Variants in TTLL11 observed in about 807,000 individuals in gnomAD.
The protein encoded by TTLL11 is tubulin polyglutamylase TTLL11.
Under a neutral mutation model 51.7 loss-of-function variants are expected in TTLL11, and 42 were observed. The ratio of observed to expected loss-of-function variants is 0.81; its 90% CI spans 0.64 to 1.05. TTLL11 has a LOEUF of 1.05. Ranked by LOEUF, TTLL11 falls within the 50% of genes least tolerant of loss-of-function variation. The pLI, the probability that TTLL11 is intolerant of heterozygous loss-of-function variation, is 0.00. For synonymous variants in TTLL11, 381 were observed against 383.5 expected, an observed-to-expected ratio of 0.99 and a Z score of 0.08; for missense variants, 799 against 940.4, an observed-to-expected ratio of 0.85 and a Z score of 1.97.
intron 6 of TTLL11, among the ~76,000 whole-genome samples, chr9:121,938,144 C>T (rs1311991581): frequency 6.6e-6 from 1 of 152,004 alleles, no homozygotes; most frequent in Non-Finnish European, 1.5e-5. Flanking sequence ...AAAACATTAG[C>T]CGGGCATGGT....
At chr9:121,937,137 G>A (rs577632121) in intron 6 of TTLL11, among the ~76,000 whole-genome samples, 83 of 152,198 alleles carry the variant, frequency 5.5e-4, no homozygotes, top group Admixed American at 1.5e-3. Flanking sequence ...TTTCCCACAT[G>A]CTCATATGAC....
intron 6 of TTLL11, among the ~76,000 whole-genome samples, chr9:121,917,522 AAAGGAAGG>A (rs536661484): frequency 2.5e-4 from 36 of 141,314 alleles, no homozygotes; most frequent in Non-Finnish European, 4.4e-4. Context: ...AGAGAGAAAG[AAAGGAAGG>A]AAGGAAGGAA....
chr9:121,929,865 C>T (rs1840902139), intron 6 of TTLL11, among the ~76,000 whole-genome samples: 1 of 152,194 alleles, frequency 6.6e-6, no homozygotes, highest in Non-Finnish European at 1.5e-5. Flanking sequence ...TTCCTCTTAG[C>T]AACAAGGTCC....
chr9:121,827,253 G>A (rs541452026), intron 8 of TTLL11, among the ~76,000 whole-genome samples: 1 of 152,244 alleles, frequency 6.6e-6, no homozygotes, highest in South Asian at 2.1e-4. Context: ...TCTCTGTTTA[G>A]GTCAGGTGAA....
chr9:122,008,128 AAT>A (rs1254602401), intron 3 of TTLL11, among the ~76,000 whole-genome samples: 1 of 152,196 alleles, frequency 6.6e-6, no homozygotes, highest in Non-Finnish European at 1.5e-5. Flanking sequence ...CAAAAATACC[AAT>A]GTCATGAAAC....
intron 3 of TTLL11, among the ~76,000 whole-genome samples, chr9:122,004,835 G>C (rs778349155): frequency 1.3e-5 from 2 of 152,236 alleles, no homozygotes; most frequent in Non-Finnish European, 2.9e-5. Flanking sequence ...GCTCACACTT[G>C]AGTAGTCTTT....
intron 1 of TTLL11, among the ~76,000 whole-genome samples, chr9:122,048,261 G>A (rs927389948): frequency 1.3e-5 from 2 of 152,026 alleles, no homozygotes; most frequent in African/African-American, 4.8e-5. Context: ...CAAACTCCTA[G>A]CCTCAAGTGA....
chr9:121,880,438 G>A lies in TTLL11; in HGVS notation c.1482-9690C>T, dbSNP rs148070223. Among the ~76,000 whole-genome samples the A allele has an allele frequency of 5.8e-3, 876 of 152,188 alleles. 8 individuals are homozygous for A. The highest frequency in any genetic ancestry group is 0.02 in the African/African-American group (811 of 41,502). ...CACCTTTCCCAAAATGCTTCCCACG[G>A]CTTTTGGAGATAGAATCAACCATTC... On this transcript the variant is annotated intron_variant, in intron 6 of 8. Coordinates refer to ENST00000321582, the MANE Select transcript of TTLL11 (RefSeq NM_001139442.2).
intron 1 of TTLL11, among the ~76,000 whole-genome samples, chr9:122,074,222 C>T (rs1053010246): frequency 4.0e-5 from 6 of 150,176 alleles, no homozygotes; most frequent in African/African-American, 9.9e-5. Context: ...TGCAGTGAGC[C>T]GAGATCGTGC....
chr9:121,826,606 A>G (rs960322221), intron 8 of TTLL11, among the ~76,000 whole-genome samples: 1 of 137,614 alleles, frequency 7.3e-6, no homozygotes, highest in African/African-American at 2.8e-5. Context: ...TACCAGGGTT[A>G]CTTTTGGCAG....
chr9:122,058,902 A>C (rs1170346229), intron 1 of TTLL11, among the ~76,000 whole-genome samples: 1 of 152,234 alleles, frequency 6.6e-6, no homozygotes, highest in Non-Finnish European at 1.5e-5. Context: ...TGACCAGATA[A>C]TGAGGCAATT....
rs1836611921 is a variant in TTLL11 at position 121,822,569 on chromosome 9, A to G, written c.*18T>C. The stretch of plus-strand genomic sequence containing the variant: ...AAGCTGCTCTCGTCTTCCGTTTTCC[A>G]GGAGGACAGAGTGGCCCTCAGGACA... On this transcript the variant is annotated 3_prime_UTR_variant, in exon 9 of 9. Coordinates refer to ENST00000321582, the MANE Select transcript of TTLL11 (RefSeq NM_001139442.2). This position sits in a 1 kb window ranked among gnomAD's most constrained non-coding sequence, Gnocchi z 5.8. 1.4e-6 allele frequency: 2 copies of G among 1,426,248 alleles called. No homozygotes were observed. Among genetic ancestry groups the G allele is most frequent in the African/African-American group, 2.9e-5 (2 of 68,334 alleles). The allele number at this position is 1,426,248 out of a possible 1,614,324, so 88.3% of individuals were successfully genotyped here.
At chr9:121,940,344 T>TC (rs1491340025) in intron 6 of TTLL11, among the ~76,000 whole-genome samples, 2 of 73,162 alleles carry the variant, frequency 2.7e-5, no homozygotes, top group African/African-American at 1.4e-4. Flanking sequence ...ACTTTCTCTC[T>TC]TTTTTTTTTT....
intron 6 of TTLL11, among the ~76,000 whole-genome samples, chr9:121,924,699 G>C (rs1277452138): frequency 6.7e-6 from 1 of 150,154 alleles, no homozygotes; most frequent in Non-Finnish European, 1.5e-5. Context: ...TCCAGAAAGA[G>C]GAAAGAAAAA....
intron 1 of TTLL11, among the ~76,000 whole-genome samples, chr9:122,078,093 T>C (rs2094869719): frequency 6.6e-6 from 1 of 152,076 alleles, no homozygotes; most frequent in Admixed American, 6.5e-5. Context: ...AAGCAGTAGT[T>C]AGAGGCAAAT....
intron 3 of TTLL11, among the ~76,000 whole-genome samples, chr9:122,001,188 G>A (rs780504925): frequency 1.1e-4 from 17 of 152,074 alleles, no homozygotes; most frequent in Non-Finnish European, 2.4e-4. Context: ...TGCGGCCTCC[G>A]AGGTTCAAGT....
At chr9:121,987,361 G>A (rs1255441512) in intron 4 of TTLL11, among the ~76,000 whole-genome samples, 3 of 152,122 alleles carry the variant, frequency 2.0e-5, no homozygotes, top group African/African-American at 7.2e-5. Context: ...GGGTCCCAGA[G>A]GTACCCCTTC....
At chr9:122,043,413 G>T (rs964179258) in intron 1 of TTLL11, among the ~76,000 whole-genome samples, 2 of 152,146 alleles carry the variant, frequency 1.3e-5, no homozygotes, top group African/African-American at 4.8e-5. Flanking sequence ...TCAACAAGTG[G>T]TGCTGGGAAA....
intron 6 of TTLL11, among the ~76,000 whole-genome samples, chr9:121,876,757 G>A (rs1371259440): frequency 6.6e-6 from 1 of 152,170 alleles, no homozygotes; most frequent in Admixed American, 6.5e-5. Flanking sequence ...TGAAAGTGTG[G>A]TCCCCAGCCC....
Sources: allele counts gnomAD v4.1 joint callset (sites outside exome capture counted in the v4.1 genomes callset), GRCh38; gene constraint gnomAD v4.1.1; non-coding constraint Gnocchi (gnomAD v3.1); transcripts MANE v1.5; gene names NCBI Gene and HGNC (gene_info 2026-07-23, HGNC 2026-07-21).